ZNF503: variants seen among roughly 807,000 people sequenced by gnomAD.
ZNF503 encodes the protein NocA-like zinc finger 2.
Under a neutral mutation model 34.4 loss-of-function variants are expected in ZNF503, and 15 were observed. The observed-to-expected ratio is 0.44, with a 90% CI of 0.29 to 0.67. ZNF503 has a LOEUF of 0.67. Among genes scored for constraint, ZNF503 ranks in the 30% least tolerant of loss-of-function variants. The probability of loss-of-function intolerance (pLI) is 0.13; values close to 1 mark genes in which losing one functional copy is unlikely to be tolerated. For missense variants in ZNF503, 1,007 were observed against 926.8 expected (o/e 1.09, Z -1.12); for synonymous variants, 580 against 456.8 (o/e 1.27, Z -3.44).
downstream of ZNF503, among the ~76,000 whole-genome samples, chr10:75,396,789 CTAG>C (rs1843705578): frequency 6.6e-6 from 1 of 152,154 alleles, no homozygotes; most frequent in Non-Finnish European, 1.5e-5. The surrounding 1 kb of genome is among the most constrained non-coding windows in gnomAD (Gnocchi z 4.4). Flanking sequence ...AGGACCTGGG[CTAG>C]CGCCCAGGCC....
the ZNF503 span, among the ~76,000 whole-genome samples, chr10:75,282,047 C>T: frequency 6.6e-6 from 1 of 152,240 alleles, no homozygotes; most frequent in African/African-American, 2.4e-5. Flanking sequence ...ATCCAACAGC[C>T]ATCCCCGCTC....
the ZNF503 span, among the ~76,000 whole-genome samples, chr10:75,300,333 A>G: frequency 7.2e-5 from 11 of 152,136 alleles, no homozygotes; most frequent in Admixed American, 7.2e-4. Context: ...AGGTGCCCAG[A>G]TTTCATATTG....
chr10:75,353,879 C>T, the ZNF503 span, among the ~76,000 whole-genome samples: 93 of 152,312 alleles, frequency 6.1e-4, no homozygotes, highest in Non-Finnish European at 1.1e-3. Flanking sequence ...GCAATAGATG[C>T]GAGAGTGGAA....
chr10:75,399,546 C>G lies in ZNF503; in HGVS notation c.1144G>C (p.Asp382His). 1.3e-6 allele frequency: 2 copies of G among 1,592,810 alleles called. No individual in the cohort carries two copies. Among genetic ancestry groups the G allele is most frequent in the Non-Finnish European group, 1.7e-6 (2 of 1,177,296 alleles). The change falls in exon 2 of 2, where the codon GAC (aspartate) becomes CAC (histidine). Residue 382 changes from aspartate (D) to histidine (H), a missense_variant. Physicochemically the swap from Asp to His is moderately conservative, Grantham distance 81. Transcript: ENST00000372524. The part of the protein sequence containing the change: ...PQFLPHGVAL[D>H]PTKPGSLVGA... Reference sequence around the variant, plus strand: ...ACCAGGCTGCCCGGCTTGGTGGGGTCAAGTGCCACGCCGTGTGGCAGGAAC... The same window carrying G: ...ACCAGGCTGCCCGGCTTGGTGGGGTGAAGTGCCACGCCGTGTGGCAGGAAC...
chr10:75,324,542 G>T, the ZNF503 span, among the ~76,000 whole-genome samples: 2 of 151,980 alleles, frequency 1.3e-5, no homozygotes, highest in African/African-American at 4.8e-5. Flanking sequence ...GCCCAGGCTG[G>T]TCTCAAACTC....
chr10:75,400,038 T>G lies in ZNF503; in HGVS notation c.652A>C (p.Thr218Pro), dbSNP rs1440369115. The change falls in exon 2 of 2, where the codon ACC becomes CCC. Residue 218 changes from threonine (T) to proline (P), a missense_variant. Physicochemically the swap from Thr to Pro is conservative, Grantham distance 38. Coordinates refer to ENST00000372524, the MANE Select transcript of ZNF503 (RefSeq NM_032772.6). ...EKSGFRVPSATCQPFTPRTGS... is the reference protein window; with the variant it reads ...EKSGFRVPSAPCQPFTPRTGS... The stretch of plus-strand genomic sequence containing the variant: ...GTCCTGGGCGTGAATGGCTGGCAGG[T>G]GGCGCTCGGTACCCGGAATCCCGAC... 2 of 1,597,222 alleles carry G rather than the reference T, an allele frequency of 1.3e-6. No homozygotes were observed. The highest frequency in any genetic ancestry group is 8.5e-7 in the Non-Finnish European group (1 of 1,175,502).
chr10:75,309,704 T>C, the ZNF503 span, among the ~76,000 whole-genome samples: 1 of 152,364 alleles, frequency 6.6e-6, no homozygotes, highest in South Asian at 2.1e-4. Flanking sequence ...TACTGTGATG[T>C]TCACTTTATC....
the ZNF503 span, among the ~76,000 whole-genome samples, chr10:75,381,371 C>T: frequency 6.6e-6 from 1 of 152,128 alleles, no homozygotes; most frequent in Non-Finnish European, 1.5e-5. Flanking sequence ...TACAGGCACA[C>T]GCCACCATGC....
the ZNF503 span, among the ~76,000 whole-genome samples, chr10:75,384,372 G>C: frequency 6.6e-6 from 1 of 151,752 alleles, no homozygotes; most frequent in Non-Finnish European, 1.5e-5. Context: ...ACACACACTC[G>C]TACACACTTT....
At chr10:75,357,363 A>AG in the ZNF503 span, among the ~76,000 whole-genome samples, 45,851 of 151,438 alleles carry the variant, frequency 0.3, 7,399 homozygotes, top group Middle Eastern at 0.38. Flanking sequence ...ACAAAAAAAA[A>AG]AAAAATTAGC....
the ZNF503 span, chr10:75,283,853 G>A: frequency 2.0e-5 from 3 of 152,214 alleles, 1 homozygote; most frequent in Admixed American, 2.0e-4. Context: ...TGGACACCGA[G>A]TGAACTCCTG....
chr10:75,400,004 G>C lies in ZNF503; in HGVS notation c.686C>G (p.Pro229Arg), dbSNP rs780403239. 1.2e-6 allele frequency: 2 copies of C among 1,604,882 alleles called. No homozygotes were observed. Among genetic ancestry groups the C allele is most frequent in the South Asian group, 1.1e-5 (1 of 90,464 alleles). Reference protein sequence around the residue: ...CQPFTPRTGSPSSSASACSPG... With the variant: ...CQPFTPRTGSRSSSASACSPG... ...CGAGCAGGCCGAGGCGCTGGAGCTC[G>C]GGCTGCCTGTCCTGGGCGTGAATGG... Residue 229 changes from proline (P) to arginine (R), a missense_variant, in exon 2 of 2, where the codon CCG (proline) becomes CGG (arginine). By Grantham distance (103) the Pro-to-Arg change is moderately radical. Transcript: ENST00000372524.
At chr10:75,369,887 C>T in the ZNF503 span, among the ~76,000 whole-genome samples, 45 of 151,610 alleles carry the variant, frequency 3.0e-4, no homozygotes, top group South Asian at 1.1e-3. Flanking sequence ...GCCAACATGG[C>T]GAAACCTCGT....
At chr10:75,346,478 C>G in the ZNF503 span, among the ~76,000 whole-genome samples, 2 of 150,648 alleles carry the variant, frequency 1.3e-5, no homozygotes, top group Admixed American at 1.3e-4. Flanking sequence ...TCACCCGGGA[C>G]AGAGTGCAGT....
chr10:75,383,510 A>G, the ZNF503 span, among the ~76,000 whole-genome samples: 1 of 152,148 alleles, frequency 6.6e-6, no homozygotes, highest in African/African-American at 2.4e-5. Context: ...TCTGCCCCTC[A>G]GACCCCAGCA....
the ZNF503 span, among the ~76,000 whole-genome samples, chr10:75,336,022 T>C: frequency 1.8e-4 from 28 of 152,172 alleles, no homozygotes; most frequent in African/African-American, 6.5e-4. Context: ...CATGGCATGG[T>C]AGCTAGTTTC....
the ZNF503 span, among the ~76,000 whole-genome samples, chr10:75,346,807 A>AT: frequency 0.038 from 5,367 of 141,026 alleles, 332 homozygotes; most frequent in African/African-American, 0.13. Context: ...ATTAAAAAGA[A>AT]TTTTTTTTTT....
At chr10:75,400,970 G>C in intron 1 of ZNF503, 135 bp downstream of exon 1, 1 of 1,295,398 alleles carries the variant, frequency 7.7e-7, no homozygotes, top group South Asian at 1.3e-5. Context: ...AGGTACGGAA[G>C]CAGTAGCCTC....
At chr10:75,284,424 T>C in the ZNF503 span, among the ~76,000 whole-genome samples, 1 of 115,188 alleles carries the variant, frequency 8.7e-6, no homozygotes, top group Admixed American at 8.5e-5. Context: ...GGAAGGGTAC[T>C]GGGTTGGGGG....
Sources: allele counts gnomAD v4.1 joint callset (sites outside exome capture counted in the v4.1 genomes callset), GRCh38; gene constraint gnomAD v4.1.1; non-coding constraint Gnocchi (gnomAD v3.1); transcripts MANE v1.5; gene names NCBI Gene and HGNC (gene_info 2026-07-23, HGNC 2026-07-21).